PCDHA3: variants seen among roughly 807,000 people sequenced by gnomAD.
PCDHA3 encodes protocadherin alpha-3.
A neutral mutation model predicts 62.2 loss-of-function variants in PCDHA3; 41 were observed. That is an observed-to-expected ratio of 0.66 (90% confidence interval 0.51 to 0.86). The LOEUF (loss-of-function observed/expected upper bound fraction) is 0.86. Ranked by LOEUF, PCDHA3 falls within the 40% of genes least tolerant of loss-of-function variation. The pLI, the probability that PCDHA3 is intolerant of heterozygous loss-of-function variation, is 0.00. For synonymous variants in PCDHA3, 640 were observed against 555.4 expected, an observed-to-expected ratio of 1.15 and a Z score of -2.14; for missense variants, 1,304 against 1,241.2, an observed-to-expected ratio of 1.05 and a Z score of -0.76.
chr5:140,988,512 T>TCC (rs2097301181), intron 3 of PCDHA3, among the ~76,000 whole-genome samples: 1 of 152,218 alleles, frequency 6.6e-6, no homozygotes, highest in Non-Finnish European at 1.5e-5. Flanking sequence ...TGAAGCTTAC[T>TCC]TAAGTCTCTG....
At chr5:140,971,376 C>CT (rs1334633165) in intron 1 of PCDHA3, among the ~76,000 whole-genome samples, 1 of 152,164 alleles carries the variant, frequency 6.6e-6, no homozygotes, top group Non-Finnish European at 1.5e-5. Context: ...GAGTGCATGA[C>CT]TTTAATAAAG....
At chr5:140,850,307 C>T (rs2150478733) in intron 1 of PCDHA3, 1 of 1,597,050 alleles carries the variant, frequency 6.3e-7, no homozygotes, top group Non-Finnish European at 8.6e-7. Flanking sequence ...CGGGCTACAA[C>T]GCGTGGCTTT....
intron 1 of PCDHA3, among the ~76,000 whole-genome samples, chr5:140,826,672 G>T (rs1290845533): frequency 6.6e-6 from 1 of 152,028 alleles, no homozygotes; most frequent in African/African-American, 2.4e-5. Flanking sequence ...AATTGTAGAC[G>T]TAATTAAAAA....
At chr5:140,844,453 C>T (rs1452241460) in intron 1 of PCDHA3, among the ~76,000 whole-genome samples, 5 of 148,746 alleles carry the variant, frequency 3.4e-5, no homozygotes, top group Non-Finnish European at 7.5e-5. Context: ...TGTATTGTCG[C>T]CAACTTAACA....
Position 140,802,511 on chromosome 5 carries a change from G to C in PCDHA3, c.1314G>C (p.Thr438=), listed in dbSNP as rs782757445. Residue 438 remains threonine, a synonymous_variant, in exon 1 of 4, where the codon ACG becomes ACC. Transcript: ENST00000522353. ...RDGGSPSLWA[T]ASVSVEVADV... ...GGGGCTCGCCTTCACTGTGGGCCAC[G>C]GCCAGCGTGTCCGTGGAGGTGGCCG... 3 of 1,614,068 alleles carry C rather than the reference G, an allele frequency of 1.9e-6. No homozygotes were observed. Among genetic ancestry groups the C allele is most frequent in the African/African-American group, 2.7e-5 (2 of 74,950 alleles).
chr5:140,876,596 C>T (rs1361945795), intron 1 of PCDHA3: 1 of 1,614,040 alleles, frequency 6.2e-7, no homozygotes, highest in East Asian at 2.2e-5. Flanking sequence ...ATTAGCGTGT[C>T]GGATCGTGAC....
chr5:140,961,196 A>G (rs2095596614), intron 1 of PCDHA3, among the ~76,000 whole-genome samples: 2 of 152,150 alleles, frequency 1.3e-5, no homozygotes, highest in African/African-American at 4.8e-5. Context: ...GACCCTAGTG[A>G]GGTTGGTATT....
intron 1 of PCDHA3, chr5:140,968,040 G>A: frequency 1.2e-6 from 2 of 1,614,162 alleles, no homozygotes; most frequent in African/African-American, 1.3e-5. Context: ...GTGGTGAGCG[G>A]CCCACTGGAC....
intron 1 of PCDHA3, among the ~76,000 whole-genome samples, chr5:140,920,730 G>A (rs902169780): frequency 6.6e-6 from 1 of 152,058 alleles, no homozygotes; most frequent in Non-Finnish European, 1.5e-5. Context: ...TGCAGTCCCA[G>A]CTACTCAGGA....
intron 1 of PCDHA3, chr5:140,967,162 C>T (rs782524334): frequency 1.9e-6 from 3 of 1,610,776 alleles, no homozygotes; most frequent in Non-Finnish European, 2.5e-6. Context: ...TGGCGGTGAG[C>T]GCCGTTGAGG....
At chr5:140,880,737 G>T (rs139077188) in intron 1 of PCDHA3, among the ~76,000 whole-genome samples, 1 of 152,304 alleles carries the variant, frequency 6.6e-6, no homozygotes, top group Non-Finnish European at 1.5e-5. Flanking sequence ...TAGAGAAAAT[G>T]GATTGTCAGT....
intron 1 of PCDHA3, chr5:140,834,503 A>C: frequency 1.2e-6 from 2 of 1,614,128 alleles, no homozygotes; most frequent in Non-Finnish European, 1.7e-6. Context: ...AGGAGGCTAA[A>C]CATGGCAACT....
rs1320713440 is a variant in PCDHA3 at position 140,808,342 on chromosome 5, C to T, written c.2394+4751C>T. 3.1e-6 allele frequency: 5 copies of T among 1,614,132 alleles called. No homozygotes were observed. The East Asian group carries it at 1.1e-4, about 36-fold the overall frequency. On this transcript the variant is annotated intron_variant, in intron 1 of 3. Transcript: ENST00000522353. ...AAGACATGGGTGTCAATGGGCTGGT[C>T]ACCTGCTCCTTGACGTCCCACGTCC...
chr5:140,809,250 G>T (rs782209352), intron 1 of PCDHA3: 2 of 1,614,080 alleles, frequency 1.2e-6, no homozygotes, highest in Admixed American at 3.3e-5. Flanking sequence ...GGCGCTGTGG[G>T]TCCCGATGCT....
In PCDHA3 at chr5:140,851,743, G is replaced by A. The variant is rs1045115703; in HGVS notation, c.2394+48152G>A. ...ACTTCGAGTTCTTTTGAAATTCAGA[G>A]TCTGTAACTTAAAACATTACCCTTA... On this transcript the variant is annotated intron_variant, in intron 1 of 3. Transcript: ENST00000522353. 3 of 972,104 alleles carry A rather than the reference G, an allele frequency of 3.1e-6. 1 individual carries two copies. The highest frequency in any genetic ancestry group is 3.7e-6 in the Non-Finnish European group (3 of 804,720). 60.2% of individuals were successfully genotyped at this position (972,104 alleles called of 1,614,324 possible).
intron 1 of PCDHA3, among the ~76,000 whole-genome samples, chr5:140,897,219 C>T (rs1169975962): frequency 1.1e-4 from 17 of 152,004 alleles, no homozygotes; most frequent in Admixed American, 1.1e-3. Flanking sequence ...TTTTAGGGTA[C>T]ATGTGCACAA....
chr5:140,881,625 A>G (rs2058773266), intron 1 of PCDHA3, among the ~76,000 whole-genome samples: 1 of 152,210 alleles, frequency 6.6e-6, no homozygotes, highest in African/African-American at 2.4e-5. Context: ...AAAATCTGAT[A>G]TATCAGTTAC....
At chr5:140,947,171 A>G (rs2094098405) in intron 1 of PCDHA3, among the ~76,000 whole-genome samples, 2 of 151,546 alleles carry the variant, frequency 1.3e-5, no homozygotes, top group Non-Finnish European at 3.0e-5. Context: ...AAAATGTGGT[A>G]TATATTCATG....
Position 140,834,289 on chromosome 5 carries a change from T to C in PCDHA3, c.2394+30698T>C, listed in dbSNP as rs191856620. Reference sequence around the variant, plus strand: ...CTTTCACTCTTTGGATGCACAACAATGGCCACACATCGAGATTGAAATGAA... The same window carrying C: ...CTTTCACTCTTTGGATGCACAACAACGGCCACACATCGAGATTGAAATGAA... On this transcript the variant is annotated intron_variant, in intron 1 of 3. Coordinates refer to ENST00000522353, the MANE Select transcript of PCDHA3 (RefSeq NM_018906.3). 3.2e-4 allele frequency: 379 copies of C among 1,186,074 alleles called. 1 individual carries two copies. Among genetic ancestry groups the C allele is most frequent in the Non-Finnish European group, 1.5e-4 (124 of 833,276 alleles). The allele number at this position is 1,186,074 out of a possible 1,614,324, so 73.5% of individuals were successfully genotyped here.
Sources: allele counts gnomAD v4.1 joint callset (sites outside exome capture counted in the v4.1 genomes callset), GRCh38; gene constraint gnomAD v4.1.1; transcripts MANE v1.5; gene names NCBI Gene and HGNC (gene_info 2026-07-23, HGNC 2026-07-21).